Variants in CACNA1S observed in about 807,000 individuals in gnomAD.
CACNA1S encodes the protein calcium voltage-gated channel subunit alpha1 S.
A neutral mutation model predicts 207.4 loss-of-function variants in CACNA1S; 126 were observed. The ratio of observed to expected loss-of-function variants is 0.61; its 90% CI spans 0.53 to 0.70. The LOEUF is 0.70. Among genes scored for constraint, CACNA1S ranks in the 30% least tolerant of loss-of-function variants. The probability of loss-of-function intolerance (pLI) is 0.00; values close to 1 mark genes in which losing one functional copy is unlikely to be tolerated. For synonymous variants in CACNA1S, 960 were observed against 932.7 expected, an observed-to-expected ratio of 1.03 and a Z score of -0.53; for missense variants, 2,349 against 2,422.8, an observed-to-expected ratio of 0.97 and a Z score of 0.64.
rs535588266 is a variant in CACNA1S at position 201,066,851 on chromosome 1, G to A, written c.2657+36C>T. 2.5e-5 allele frequency: 37 copies of A among 1,465,978 alleles called. No homozygotes were observed. Among genetic ancestry groups the A allele is most frequent in the Non-Finnish European group, 3.4e-5 (36 of 1,046,630 alleles). 90.8% of individuals were successfully genotyped at this position (1,465,978 alleles called of 1,614,324 possible). On this transcript the variant is annotated intron_variant, in intron 20 of 43. Coordinates refer to ENST00000362061, the MANE Select transcript of CACNA1S (RefSeq NM_000069.3). The surrounding 1 kb of genome is among the most constrained non-coding windows in gnomAD (Gnocchi z 4.3). ...AAAGCCCTGGCACAGAGCAGAGGGT[G>A]GTCTGTGCCCAGGGCTGGCCCTTGC...
chr1:201,087,206 T>C (rs1177169543), intron 7 of CACNA1S, among the ~76,000 whole-genome samples: 1 of 152,234 alleles, frequency 6.6e-6, no homozygotes, highest in African/African-American at 2.4e-5. Context: ...GTACTTTATA[T>C]GTATTAACTT....
chr1:201,081,007 G>T (rs767993912), intron 10 of CACNA1S, among the ~76,000 whole-genome samples: 4 of 152,132 alleles, frequency 2.6e-5, no homozygotes, highest in Non-Finnish European at 4.4e-5. Flanking sequence ...TTTTTCACTT[G>T]AGACATTTTT....
Position 201,048,584 on chromosome 1 carries a change from T to A in CACNA1S, c.4439A>T (p.Glu1480Val), listed in dbSNP as rs1187290122. 6.2e-7 allele frequency: 1 copy of A among 1,612,230 alleles called. No homozygotes were observed. Among genetic ancestry groups the A allele is most frequent in the Non-Finnish European group, 8.5e-7 (1 of 1,178,482 alleles). The change falls in exon 36 of 44, where the codon GAA becomes GTA. Residue 1480 changes from glutamate to valine, a missense_variant and splice_region_variant. Glu to Val is a moderately radical substitution (Grantham distance 121). Transcript: ENST00000362061. ...CTCACATTGGAAGGCACTCTCACCT[T>A]CCGTCTTGATCTTGAGTGCCGTGCG... ...LVRTALKIKT[E>V]GNFEQANEEL...
At chr1:201,098,780 G>C (rs1662530372) in intron 2 of CACNA1S, among the ~76,000 whole-genome samples, 1 of 152,216 alleles carries the variant, frequency 6.6e-6, no homozygotes, top group Non-Finnish European at 1.5e-5. Context: ...GGGGAGGACA[G>C]TGAGCCCGTC....
At chr1:201,095,597 C>T (rs1572065523) in intron 2 of CACNA1S, among the ~76,000 whole-genome samples, 1 of 152,182 alleles carries the variant, frequency 6.6e-6, no homozygotes, top group African/African-American at 2.4e-5. Flanking sequence ...GGGAAGACTG[C>T]AACATACAAG....
intron 10 of CACNA1S, among the ~76,000 whole-genome samples, chr1:201,078,918 C>T (rs1294865295): frequency 1.3e-5 from 2 of 152,058 alleles, no homozygotes; most frequent in South Asian, 2.1e-4. Context: ...GTCAAGAGAT[C>T]GAGACCAGCC....
chr1:201,079,579 CTG>C (rs35168149), intron 10 of CACNA1S, among the ~76,000 whole-genome samples: 76,079 of 140,878 alleles, frequency 0.54, 20,908 homozygotes, highest in East Asian at 0.81. Flanking sequence ...TTTCTGTGTC[CTG>C]ACTGAAAATC....
rs1660961140 is a variant in CACNA1S at position 201,059,290 on chromosome 1, G to A, written c.3424C>T (p.Gln1142Ter). The change falls in exon 27 of 44, where the codon CAG (glutamine) becomes TAG (stop). Residue 1142 changes from glutamine (Q) to a stop codon, truncating the protein, a stop_gained. Coordinates refer to ENST00000362061, the MANE Select transcript of CACNA1S (RefSeq NM_000069.3). LOFTEE classifies it high-confidence loss of function. ...GAGATGTGGTTCATCTGCTCCGACT[G>A]GTTGTAGTGCTGTGGAGGGGACACA... is the stretch of plus-strand genomic sequence containing the variant. ...TICLGMQHYN[Q>*]SEQMNHISDI... 1 of 1,611,960 alleles carries A rather than the reference G, an allele frequency of 6.2e-7. No homozygotes were observed. The highest frequency in any genetic ancestry group is 8.5e-7 in the Non-Finnish European group (1 of 1,178,194).
At chr1:201,110,034 G>T (rs1397929877) in intron 2 of CACNA1S, 130 bp downstream of exon 2, 3 of 832,034 alleles carry the variant, frequency 3.6e-6, no homozygotes, top group African/African-American at 3.3e-5. Context: ...AGGTGGCTGG[G>T]GATGCAGGGC....
chr1:201,051,577 C>A (rs139673024), intron 32 of CACNA1S, among the ~76,000 whole-genome samples: 1 of 152,302 alleles, frequency 6.6e-6, no homozygotes, highest in Admixed American at 6.5e-5. Flanking sequence ...GATTTCACAC[C>A]TTGTGGATGT....
At chr1:201,044,199 G>T in intron 39 of CACNA1S, 129 bp downstream of exon 39, 1 of 1,117,760 alleles carries the variant, frequency 8.9e-7, no homozygotes, top group Non-Finnish European at 1.3e-6. Context: ...GTGAAGTGGA[G>T]AGACGGAGTG....
Position 201,091,656 on chromosome 1 carries a change from G to T in CACNA1S, c.678C>A (p.Cys226Ter), listed in dbSNP as rs1553252729. 2 of 1,614,228 alleles carry T rather than the reference G, an allele frequency of 1.2e-6. No homozygotes were observed. The highest frequency in any genetic ancestry group is 1.7e-6 in the Non-Finnish European group (2 of 1,180,024). The change falls in exon 5 of 44, where the codon TGC (cysteine) becomes TGA (stop). Residue 226 changes from cysteine (C) to a stop codon, truncating the protein, a stop_gained. Transcript: ENST00000362061. LOFTEE classifies it high-confidence loss of function. ...GGAGCTCACCTGTACCAATGAAGTAGCAGGTCTTGTGCATCTTGCCCTTGA... is the reference window on the plus strand; with the variant it reads ...GGAGCTCACCTGTACCAATGAAGTATCAGGTCTTGTGCATCTTGCCCTTGA... The part of the protein sequence containing the change: ...ELFKGKMHKT[C>*]YFIGTDIVAT...
intron 22 of CACNA1S, among the ~76,000 whole-genome samples, 160 bp from the exon 23 acceptor site, chr1:201,062,674 C>T (rs1050960201): frequency 1.3e-5 from 2 of 152,244 alleles, no homozygotes; most frequent in African/African-American, 4.8e-5. Context: ...GTGAACTCGC[C>T]CTTGGGGCAG....
Position 201,097,389 on chromosome 1 carries a change from G to T in CACNA1S, c.259-3368C>A, listed in dbSNP as rs1056746847. Among the ~76,000 whole-genome samples the T allele has an allele frequency of 2.6e-5, 4 of 151,900 alleles. No individual in the cohort carries two copies. In the South Asian group the frequency reaches 8.3e-4, roughly 32 times the overall value. ...TCGTCACCAGCCTGCTGGCCACCCC[G>T]TCAATCATGTGGAATGACTTTCAGG... On this transcript the variant is annotated intron_variant, in intron 2 of 43. Transcript: ENST00000362061.
chr1:201,062,537 A>C (rs1192405144), intron 22 of CACNA1S, 23 bp from the exon 23 acceptor site: 5 of 705,140 alleles, frequency 7.1e-6, no homozygotes, highest in Non-Finnish European at 1.2e-5. Flanking sequence ...AGAGGGAGGG[A>C]GGGAGGGAGG....
At chr1:201,056,228 G>GCCCT (rs1201158082) in intron 28 of CACNA1S, among the ~76,000 whole-genome samples, 14 of 152,164 alleles carry the variant, frequency 9.2e-5, no homozygotes, top group Non-Finnish European at 1.8e-4. Flanking sequence ...TCCCACCCTG[G>GCCCT]CCCTCCCCTA....
chr1:201,075,395 C>A, intron 13 of CACNA1S, 100 bp downstream of exon 13: 4 of 1,448,710 alleles, frequency 2.8e-6, no homozygotes, highest in Non-Finnish European at 3.8e-6. Flanking sequence ...AGCCAGAGGG[C>A]CTGGCTACCT....
At position 201,050,356 on chromosome 1, in the gene CACNA1S, G is replaced by A. The variant is rs1385269576; in HGVS notation, c.4241+33C>T. ...GACGGTAGGAAGGGTCTAGGATGGAGGGCCCAGCACAGAGCCTACAGATTG... is the reference window on the plus strand; with the variant it reads ...GACGGTAGGAAGGGTCTAGGATGGAAGGCCCAGCACAGAGCCTACAGATTG... On this transcript the variant is annotated intron_variant, in intron 34 of 43. Coordinates refer to ENST00000362061, the MANE Select transcript of CACNA1S (RefSeq NM_000069.3). The A allele has an allele frequency of 1.1e-5, 17 of 1,613,174 alleles. No individual in the cohort carries two copies. The East Asian group carries it at 2.5e-4, about 23-fold the overall frequency.
chr1:201,056,098 C>CACACACACACACA (rs1156635928), intron 28 of CACNA1S, among the ~76,000 whole-genome samples: 5 of 152,010 alleles, frequency 3.3e-5, no homozygotes, highest in African/African-American at 1.2e-4. Context: ...CACACACACA[C>CACACACACACACA]ACACACACTG....
Sources: gnomAD v4.1 joint callset for allele counts (sites outside exome capture counted in the v4.1 genomes callset) on GRCh38, gnomAD v4.1.1 for gene constraint, Gnocchi (gnomAD v3.1) non-coding constraint, MANE v1.5 for transcripts, NCBI Gene and HGNC (gene_info 2026-07-23, HGNC 2026-07-21) for gene names.